The following CERS3 variants were observed in gnomAD, a reference collection of about 807,000 sequenced individuals.
CERS3 encodes the protein LAG1 homolog, ceramide synthase 3.
In CERS3, 33 loss-of-function variants were observed where a neutral mutation model predicts 50.3. The ratio of observed to expected loss-of-function variants is 0.66; its 90% CI spans 0.50 to 0.88. CERS3 has a LOEUF of 0.88. Ranked by LOEUF, CERS3 falls within the 40% of genes least tolerant of loss-of-function variation. CERS3 has a pLI of 0.00. For synonymous variants in CERS3, 176 were observed against 155.2 expected (o/e 1.13, Z -0.99); for missense variants, 470 against 460.3 (o/e 1.02, Z -0.19).
intron 3 of CERS3, among the ~76,000 whole-genome samples, chr15:100,494,259 T>TATATA (rs1567660619): frequency 0.013 from 215 of 16,804 alleles, 25 homozygotes; most frequent in East Asian, 0.036. Flanking sequence ...ATATATATAT[T>TATATA]TGTTTTGAGA....
At chr15:100,541,440 C>A (rs2037200188) in intron 1 of CERS3, among the ~76,000 whole-genome samples, 1 of 152,050 alleles carries the variant, frequency 6.6e-6, no homozygotes, top group Non-Finnish European at 1.5e-5. Context: ...CCACTGCACT[C>A]CAGCCTGGGT....
At chr15:100,489,833 G>A (rs535799170) in intron 4 of CERS3, among the ~76,000 whole-genome samples, 1 of 152,322 alleles carries the variant, frequency 6.6e-6, no homozygotes, top group Non-Finnish European at 1.5e-5. Context: ...GGCAGAACAA[G>A]TTAGAGCCAG....
chr15:100,472,724 C>A (rs1292698746), intron 9 of CERS3, among the ~76,000 whole-genome samples, 200 bp downstream of exon 9: 1 of 152,096 alleles, frequency 6.6e-6, no homozygotes, highest in Non-Finnish European at 1.5e-5. Flanking sequence ...CTCTCTAGTA[C>A]CATGGAGAAG....
At position 100,424,898 on chromosome 15, in the gene CERS3, G is replaced by C. The variant is rs1209939014; in HGVS notation, c.1000-22033C>G. ...TAAATGTTAATAGCCAAGACAATGG[G>C]GAAAAATGCCTCCAAGGCATTTTCC... On this transcript the variant is annotated intron_variant, in intron 11 of 11. Coordinates refer to ENST00000679737, the MANE Select transcript of CERS3 (RefSeq NM_001378789.1). Among the ~76,000 whole-genome samples, 4 of 152,126 alleles carry C rather than the reference G, an allele frequency of 2.6e-5. No individual in the cohort carries two copies. The East Asian group carries it at 7.7e-4, about 29-fold the overall frequency.
At chr15:100,417,761 A>G (rs367971116) in intron 11 of CERS3, among the ~76,000 whole-genome samples, 224 of 150,712 alleles carry the variant, frequency 1.5e-3, no homozygotes, top group African/African-American at 2.3e-3. Context: ...CTCCTCAAGT[A>G]GGTCCCTGAC....
chr15:100,437,938 T>C, intron 11 of CERS3: 1 of 152,138 alleles, frequency 6.6e-6, no homozygotes, highest in East Asian at 1.9e-4. Context: ...AAACAAAATA[T>C]TTTCTTATGC....
At chr15:100,430,544 T>C (rs1165219758) in intron 11 of CERS3, among the ~76,000 whole-genome samples, 1 of 152,218 alleles carries the variant, frequency 6.6e-6, no homozygotes, top group Non-Finnish European at 1.5e-5. Context: ...CTTGGGAATC[T>C]GTGGCTTTGC....
At chr15:100,463,640 T>C (rs1248051817) in intron 10 of CERS3, among the ~76,000 whole-genome samples, 1 of 152,066 alleles carries the variant, frequency 6.6e-6, no homozygotes, top group Non-Finnish European at 1.5e-5. Context: ...AGGGCCCCTG[T>C]GGAGTGAGAC....
intron 11 of CERS3, among the ~76,000 whole-genome samples, chr15:100,426,712 G>T (rs981895968): frequency 1.3e-5 from 2 of 152,138 alleles, no homozygotes; most frequent in African/African-American, 4.8e-5. Flanking sequence ...CCCCGTGTGG[G>T]CCTCTTTCAG....
intron 4 of CERS3, among the ~76,000 whole-genome samples, chr15:100,490,508 A>G (rs1023639156): frequency 6.6e-6 from 1 of 152,236 alleles, no homozygotes; most frequent in Admixed American, 6.5e-5. Flanking sequence ...TATACTTTGT[A>G]TATATTTGAC....
intron 3 of CERS3, among the ~76,000 whole-genome samples, chr15:100,499,794 C>G (rs1001772988): frequency 1.3e-5 from 2 of 152,182 alleles, no homozygotes. Context: ...CATTTGTGTA[C>G]TCTCTTCTGC....
intron 11 of CERS3, among the ~76,000 whole-genome samples, chr15:100,424,533 A>T (rs2032680471): frequency 6.6e-6 from 1 of 152,200 alleles, no homozygotes; most frequent in Non-Finnish European, 1.5e-5. Flanking sequence ...GAACTGGAGT[A>T]AAGGTCACTC....
intron 11 of CERS3, among the ~76,000 whole-genome samples, chr15:100,424,988 G>T (rs545736485): frequency 6.6e-6 from 1 of 151,890 alleles, no homozygotes; most frequent in South Asian, 2.1e-4. Context: ...CTGTTCCAGA[G>T]GGTGCAAGCC....
chr15:100,480,014 A>T lies in CERS3; in HGVS notation c.440T>A (p.Val147Asp), dbSNP rs761428245. The T allele has an allele frequency of 9.9e-6, 16 of 1,611,620 alleles. No homozygotes were observed. The highest frequency in any genetic ancestry group is 1.4e-5 in the Non-Finnish European group (16 of 1,178,912). ...ATCATAAAGAAACGCAATTCCAGCA[A>T]CAGTGATCATTAAGTAAAATGCAAA... ...WRFAFYLMIT[V>D]AGIAFLYDKP... The change falls in exon 6 of 12, where the codon GTT becomes GAT. Residue 147 changes from valine (V) to aspartate (D), a missense_variant. By Grantham distance (152) the Val-to-Asp change is radical (BLOSUM62 -3). Transcript: ENST00000679737.
At chr15:100,516,009 G>A (rs2036478231) in intron 2 of CERS3, among the ~76,000 whole-genome samples, 3 of 152,158 alleles carry the variant, frequency 2.0e-5, no homozygotes, top group African/African-American at 7.2e-5. Context: ...GCAGAGCAAA[G>A]GAGTTGGGAA....
At position 100,434,385 on chromosome 15, in the gene CERS3, C is replaced by T. The variant is rs558542286; in HGVS notation, c.999+21508G>A. Among the ~76,000 whole-genome samples, 13 of 152,336 alleles carry T rather than the reference C, an allele frequency of 8.5e-5. No homozygotes were observed. The South Asian group carries it at 2.1e-3, about 24-fold the overall frequency. On this transcript the variant is annotated intron_variant, in intron 11 of 11. Coordinates refer to ENST00000679737, the MANE Select transcript of CERS3 (RefSeq NM_001378789.1). ...CACCCAGAGTTCCACAGACGGCATGCGTGCTGTTCCCAAATCAGAGCACAG... is the reference window on the plus strand; with the variant it reads ...CACCCAGAGTTCCACAGACGGCATGTGTGCTGTTCCCAAATCAGAGCACAG...
intron 3 of CERS3, among the ~76,000 whole-genome samples, chr15:100,493,152 G>A (rs927604887): frequency 5.3e-5 from 8 of 152,082 alleles, no homozygotes; most frequent in Non-Finnish European, 1.2e-4. Flanking sequence ...TACTTTTACT[G>A]GTGCTATTTC....
chr15:100,441,930 C>T (rs1261781265), intron 11 of CERS3, among the ~76,000 whole-genome samples: 1 of 151,992 alleles, frequency 6.6e-6, no homozygotes, highest in African/African-American at 2.4e-5. Flanking sequence ...ACCCATCTGA[C>T]CTCTCCCCTC....
intron 2 of CERS3, among the ~76,000 whole-genome samples, chr15:100,519,336 G>T (rs141690917): frequency 2.4e-4 from 37 of 152,228 alleles, no homozygotes; most frequent in African/African-American, 8.7e-4. Flanking sequence ...GCAGCTCTGG[G>T]TGCTGTGTGA....
Sources: allele counts gnomAD v4.1 joint callset (sites outside exome capture counted in the v4.1 genomes callset), GRCh38; gene constraint gnomAD v4.1.1; transcripts MANE v1.5; gene names NCBI Gene and HGNC (gene_info 2026-07-23, HGNC 2026-07-21).